The following SECTM1 variants were observed in gnomAD, a reference collection of about 807,000 sequenced individuals.
The protein encoded by SECTM1 is secreted and transmembrane protein 1.
Under a neutral mutation model 18.1 loss-of-function variants are expected in SECTM1, and 10 were observed. That is an observed-to-expected ratio of 0.55 (90% confidence interval 0.34 to 0.94). The LOEUF is 0.94. Among genes scored for constraint, SECTM1 ranks in the 40% least tolerant of loss-of-function variants. The pLI, the probability that SECTM1 is intolerant of heterozygous loss-of-function variation, is 0.02. For missense variants in SECTM1, 297 were observed against 322.6 expected (o/e 0.92, Z 0.61); for synonymous variants, 137 against 139.2 (o/e 0.98, Z 0.11).
chr17:82,324,238 C>G (rs887197030), intron 3 of SECTM1, among the ~76,000 whole-genome samples: 1 of 151,970 alleles, frequency 6.6e-6, no homozygotes, highest in Admixed American at 6.5e-5. Context: ...GCAGCCCCCA[C>G]CCCTGACAGG....
chr17:82,322,463 G>A (rs1417136476), intron 4 of SECTM1, 93 bp from the exon 5 acceptor site: 12 of 1,218,186 alleles, frequency 9.9e-6, no homozygotes, highest in Non-Finnish European at 1.2e-5. Flanking sequence ...ACGGGCATAC[G>A]TGCTCATGCA....
intron 2 of SECTM1, 106 bp from the exon 3 acceptor site, chr17:82,324,996 G>T (rs2052133868): frequency 1.9e-6 from 2 of 1,041,054 alleles, no homozygotes; most frequent in African/African-American, 1.6e-5. Flanking sequence ...GGCCTCTAAG[G>T]GACACAGTGA....
chr17:82,321,223 T>TG lies in SECTM1; in HGVS notation c.*937dup, dbSNP rs1186409997. On this transcript the variant is annotated 3_prime_UTR_variant, in exon 5 of 5. Transcript: ENST00000269389. ...TCTCGAGGACGCCTTAGGGACGTTT[T>TG]GGGGCTTAAAGCCACTAAAGACGTT... 1 of 152,230 alleles carries TG rather than the reference T, an allele frequency of 6.6e-6. No individual in the cohort carries two copies. Among genetic ancestry groups the TG allele is most frequent in the Non-Finnish European group, 1.5e-5 (1 of 68,034 alleles). 9.4% of individuals were successfully genotyped at this position (152,230 alleles called of 1,614,324 possible). A position where few individuals can be genotyped will look rare whatever the true frequency, so the allele number is the denominator to read the frequency against.
At position 82,321,963 on chromosome 17, in the gene SECTM1, C is replaced by T. The variant is rs1007507996; in HGVS notation, c.*198G>A. 1 of 578,360 alleles carries T rather than the reference C, an allele frequency of 1.7e-6. No individual in the cohort carries two copies. Among genetic ancestry groups the T allele is most frequent in the South Asian group, 2.0e-5 (1 of 49,114 alleles). 35.8% of individuals were successfully genotyped at this position (578,360 alleles called of 1,614,324 possible). A position where few individuals can be genotyped will look rare whatever the true frequency, so the allele number is the denominator to read the frequency against. On this transcript the variant is annotated 3_prime_UTR_variant, in exon 5 of 5. Coordinates refer to ENST00000269389, the MANE Select transcript of SECTM1 (RefSeq NM_003004.3). ...AGGTGAGGTGGTTCCATTTTGGAAA[C>T]TGAGGAAGCAGAGCTTGGAAGACCT...
rs749725041 is a variant in SECTM1 at position 82,322,194 on chromosome 17, G to T, written c.714C>A (p.Pro238=). The T allele has an allele frequency of 1.2e-6, 2 of 1,613,582 alleles. No individual in the cohort carries two copies. Among genetic ancestry groups the T allele is most frequent in the Non-Finnish European group, 8.5e-7 (1 of 1,179,734 alleles). Reference sequence around the variant, plus strand: ...CTGCGGCATATGGAAACAAGGGTTGGGGGGACAGCAGCTCCAGGGCTCCAA... The same window carrying T: ...CTGCGGCATATGGAAACAAGGGTTGTGGGGACAGCAGCTCCAGGGCTCCAA... ...SPLGALELLS[P]QPLFPYAADP Residue 238 remains proline (P), a synonymous_variant, in exon 5 of 5, where the codon CCC becomes CCA. Transcript: ENST00000269389.
chr17:82,322,289 C>T lies in SECTM1; in HGVS notation c.619G>A (p.Ala207Thr), dbSNP rs745434411. ...TCGGAGTCTGGGGTCCACAGTTCAG[C>T]GGAGGCTCTGCTCAGGCCCTGCTGG... Reference protein sequence around the residue: ...GAQQGLSRASAELWTPDSEPT... With the variant: ...GAQQGLSRASTELWTPDSEPT... Residue 207 changes from alanine (A) to threonine (T), a missense_variant, in exon 5 of 5, where the codon GCT (alanine) becomes ACT (threonine). Ala to Thr is a moderately conservative substitution (Grantham distance 58, BLOSUM62 0). Coordinates refer to ENST00000269389, the MANE Select transcript of SECTM1 (RefSeq NM_003004.3). 15 of 1,612,278 alleles carry T rather than the reference C, an allele frequency of 9.3e-6. No individual in the cohort carries two copies. Among genetic ancestry groups the T allele is most frequent in the Admixed American group, 5.0e-5 (3 of 59,812 alleles).
rs73999868 is a variant in SECTM1, at chr17:82,327,200, T to A, written c.41A>T (p.Gln14Leu). 1 of 1,612,248 alleles carries A rather than the reference T, an allele frequency of 6.2e-7. No individual in the cohort carries two copies. Among genetic ancestry groups the A allele is most frequent in the East Asian group, 2.2e-5 (1 of 44,812 alleles). ...CAAAAACAGGAGGGTCCCAAGGGCC[T>A]GGGAAACGTGGCCAGGGAATGCCAG... is the stretch of plus-strand genomic sequence containing the variant. Reference protein sequence around the residue: ...CPLAFPGHVSQALGTLLFLAA... With the variant: ...CPLAFPGHVSLALGTLLFLAA... Residue 14 changes from glutamine (Q) to leucine (L), a missense_variant, in exon 2 of 5, where the codon CAG (glutamine) becomes CTG (leucine). Gln to Leu is a moderately radical substitution (Grantham distance 113). Coordinates refer to ENST00000269389, the MANE Select transcript of SECTM1 (RefSeq NM_003004.3).
chr17:82,324,510 T>TC, intron 3 of SECTM1, 72 bp downstream of exon 3: 60 of 173,998 alleles, frequency 3.4e-4, no homozygotes, highest in South Asian at 1.4e-3. Flanking sequence ...GCCCTCCCCC[T>TC]GCCCAGGCCC....
rs999810684 is a variant in SECTM1, at chr17:82,321,125, G to C, written c.*1036C>G. On this transcript the variant is annotated 3_prime_UTR_variant, in exon 5 of 5. Transcript: ENST00000269389. Reference sequence around the variant, plus strand: ...CGACCCTCAGGGCGGCCGGCTGTGCGAGGCCTCGGTCACCGGGCGCCGCCG... The same window carrying C: ...CGACCCTCAGGGCGGCCGGCTGTGCCAGGCCTCGGTCACCGGGCGCCGCCG... The C allele has an allele frequency of 6.6e-6, 1 of 152,170 alleles. No homozygotes were observed. The allele number at this position is 152,170 out of a possible 1,614,324, so 9.4% of individuals were successfully genotyped here. A position where few individuals can be genotyped will look rare whatever the true frequency, so the allele number is the denominator to read the frequency against.
Position 82,322,860 on chromosome 17 carries a change from G to T in SECTM1, c.537+18C>A. 6.2e-7 allele frequency: 1 copy of T among 1,612,868 alleles called. No individual in the cohort carries two copies. On this transcript the variant is annotated intron_variant, in intron 4 of 4. Transcript: ENST00000269389. ...AAGACTCCCCACCCCGCACAAACTG[G>T]GGTGCAGGGCCTCCTACCTCCCGGC...
At position 82,322,328 on chromosome 17, in the gene SECTM1, G is replaced by A. The variant is rs2052101286; in HGVS notation, c.580C>T (p.Leu194Phe). 6.2e-7 allele frequency: 1 copy of A among 1,613,524 alleles called. No individual in the cohort carries two copies. Among genetic ancestry groups the A allele is most frequent in the African/African-American group, 1.3e-5 (1 of 74,908 alleles). ...LLEPQMKVAALRAGAQQGLSR... is the reference protein window; with the variant it reads ...LLEPQMKVAAFRAGAQQGLSR... ...AGGCCCTGCTGGGCTCCCGCTCTGA[G>A]GGCTGCGACCTTCATCTGGGGTTCT... Residue 194 changes from leucine (L) to phenylalanine (F), a missense_variant, in exon 5 of 5, where the codon CTC becomes TTC. By Grantham distance (22) the Leu-to-Phe change is conservative. Coordinates refer to ENST00000269389, the MANE Select transcript of SECTM1 (RefSeq NM_003004.3).
At chr17:82,323,047 G>A (rs1301049338) in intron 3 of SECTM1, 36 bp from the exon 4 acceptor site, 8 of 1,586,886 alleles carry the variant, frequency 5.0e-6, no homozygotes, top group African/African-American at 2.7e-5. Flanking sequence ...CAGGTGGGCT[G>A]GGCATCCCCC....
rs774197147 is a variant in SECTM1, at chr17:82,322,309, T to A, written c.599A>T (p.Gln200Leu). The A allele has an allele frequency of 6.2e-7, 1 of 1,613,392 alleles. No individual in the cohort carries two copies. Among genetic ancestry groups the A allele is most frequent in the Non-Finnish European group, 8.5e-7 (1 of 1,179,614 alleles). The change falls in exon 5 of 5, where the codon CAG becomes CTG. Residue 200 changes from glutamine to leucine, a missense_variant. Coordinates refer to ENST00000269389, the MANE Select transcript of SECTM1 (RefSeq NM_003004.3). ...TTCAGCGGAGGCTCTGCTCAGGCCC[T>A]GCTGGGCTCCCGCTCTGAGGGCTGC... ...KVAALRAGAQQGLSRASAELW... is the reference protein window; with the variant it reads ...KVAALRAGAQLGLSRASAELW...
At chr17:82,331,593 G>C (rs115191115) in intron 1 of SECTM1, among the ~76,000 whole-genome samples, 8,498 of 152,320 alleles carry the variant, frequency 0.056, 742 homozygotes, top group African/African-American at 0.18. Context: ...TGGGTATCCT[G>C]CGTTTTTGTT....
intron 1 of SECTM1, among the ~76,000 whole-genome samples, chr17:82,332,954 C>T (rs1355866680): frequency 1.3e-5 from 2 of 152,248 alleles, no homozygotes; most frequent in Non-Finnish European, 2.9e-5. Context: ...AGAAAACGTG[C>T]TTCTCAAGCT....
At chr17:82,327,901 G>A (rs537806939) in intron 1 of SECTM1, among the ~76,000 whole-genome samples, 2 of 147,600 alleles carry the variant, frequency 1.4e-5, no homozygotes, top group Middle Eastern at 3.4e-3. Context: ...CAAGCCCAGC[G>A]CTGACCACAA....
Position 82,322,077 on chromosome 17 carries a change from G to A in SECTM1, c.*84C>T, listed in dbSNP as rs552089827. 1.5e-4 allele frequency: 206 copies of A among 1,371,020 alleles called. No homozygotes were observed. Among genetic ancestry groups the A allele is most frequent in the African/African-American group, 1.6e-4 (11 of 69,898 alleles). 84.9% of individuals were successfully genotyped at this position (1,371,020 alleles called of 1,614,324 possible). A position where few individuals can be genotyped will look rare whatever the true frequency, so the allele number is the denominator to read the frequency against. ...AAGCAAGCCGGTGTCTGTGCCCTCC[G>A]GGTGGGACGAGAGACCCAGGCCCCG... On this transcript the variant is annotated 3_prime_UTR_variant, in exon 5 of 5. Coordinates refer to ENST00000269389, the MANE Select transcript of SECTM1 (RefSeq NM_003004.3).
chr17:82,322,286 C>T lies in SECTM1; in HGVS notation c.622G>A (p.Glu208Lys). 6.2e-7 allele frequency: 1 copy of T among 1,612,310 alleles called. No homozygotes were observed. The highest frequency in any genetic ancestry group is 1.1e-5 in the South Asian group (1 of 90,920). The change falls in exon 5 of 5, where the codon GAA (glutamate) becomes AAA (lysine). Residue 208 changes from glutamate (E) to lysine (K), a missense_variant. Transcript: ENST00000269389. Reference protein sequence around the residue: ...AQQGLSRASAELWTPDSEPTP... With the variant: ...AQQGLSRASAKLWTPDSEPTP... ...GGCTCGGAGTCTGGGGTCCACAGTT[C>T]AGCGGAGGCTCTGCTCAGGCCCTGC...
rs1433517695 is a variant in SECTM1, at chr17:82,321,507, C to CGGGT, written c.*650_*653dup. On this transcript the variant is annotated 3_prime_UTR_variant, in exon 5 of 5. Coordinates refer to ENST00000269389, the MANE Select transcript of SECTM1 (RefSeq NM_003004.3). ...GCGGTGGGCACGAGGGAGCGACCCC[C>CGGGT]GGGTGGCCGAGGGACTGAGGGATGC... 6.5e-6 allele frequency: 1 copy of CGGGT among 152,698 alleles called. No individual in the cohort carries two copies. The highest frequency in any genetic ancestry group is 1.5e-5 in the Non-Finnish European group (1 of 68,176). The allele number at this position is 152,698 out of a possible 1,614,324, so 9.5% of individuals were successfully genotyped here.
Sources: allele counts gnomAD v4.1 joint callset (sites outside exome capture counted in the v4.1 genomes callset), GRCh38; gene constraint gnomAD v4.1.1; transcripts MANE v1.5; gene names NCBI Gene and HGNC (gene_info 2026-07-23, HGNC 2026-07-21).